KCNAB1: variants seen among roughly 807,000 people sequenced by gnomAD.
The protein encoded by KCNAB1 is voltage-gated potassium channel subunit beta-1.
A neutral mutation model predicts 64.6 loss-of-function variants in KCNAB1; 35 were observed. The observed-to-expected ratio is 0.54, with a 90% confidence interval of 0.41 to 0.72. The LOEUF (loss-of-function observed/expected upper bound fraction) is 0.72. Among genes scored for constraint, KCNAB1 ranks in the 30% least tolerant of loss-of-function variants. The pLI is 0.00. For missense variants in KCNAB1, 401 were observed against 512.9 expected, an observed-to-expected ratio of 0.78 and a Z score of 2.11; for synonymous variants, 177 against 183.8, an observed-to-expected ratio of 0.96 and a Z score of 0.30.
chr3:156,208,257 G>A (rs1015878783), intron 1 of KCNAB1, among the ~76,000 whole-genome samples: 1 of 152,038 alleles, frequency 6.6e-6, no homozygotes, highest in African/African-American at 2.4e-5. Context: ...CTTGATCTTT[G>A]CAACAGTTGT....
rs374128710 is a variant in KCNAB1, at chr3:156,353,672, C to T, written c.276-67944C>T. Among the ~76,000 whole-genome samples, 22 of 152,316 alleles carry T rather than the reference C, an allele frequency of 1.4e-4. No individual in the cohort carries two copies. The East Asian group carries it at 2.3e-3, about 16-fold the overall frequency. ...CTCATGTGACTGTTGCCAGGCTCCT[C>T]GCTGGCTATTGGCCAGAGGCCTCCC... On this transcript the variant is annotated intron_variant, in intron 1 of 13. Transcript: ENST00000490337.
chr3:156,131,998 A>G (rs935126518), intron 1 of KCNAB1, among the ~76,000 whole-genome samples: 1 of 152,204 alleles, frequency 6.6e-6, no homozygotes, highest in Non-Finnish European at 1.5e-5. Flanking sequence ...CCACATGACC[A>G]CATTCAACTG....
chr3:156,263,639 C>T (rs543741544), intron 1 of KCNAB1, among the ~76,000 whole-genome samples: 5 of 152,098 alleles, frequency 3.3e-5, no homozygotes, highest in Middle Eastern at 6.8e-3. Context: ...CCTTCAGAAT[C>T]CACCAGGGAT....
chr3:156,368,138 G>A (rs930054395), intron 1 of KCNAB1, among the ~76,000 whole-genome samples: 17 of 152,162 alleles, frequency 1.1e-4, no homozygotes, highest in East Asian at 3.8e-4. Context: ...CAGATAAACC[G>A]TGAATAATTT....
At chr3:156,482,291 CTCAT>C (rs927343167) in intron 8 of KCNAB1, among the ~76,000 whole-genome samples, 18 of 151,788 alleles carry the variant, frequency 1.2e-4, no homozygotes, top group African/African-American at 4.1e-4. Context: ...ATAGGATTAA[CTCAT>C]TCATTCAGTT....
In KCNAB1 at chr3:156,536,838, T is replaced by C; in HGVS notation, c.*91T>C. On this transcript the variant is annotated 3_prime_UTR_variant, in exon 14 of 14. Coordinates refer to ENST00000490337, the MANE Select transcript of KCNAB1 (RefSeq NM_172160.3). ...TTACTAACCAGTCTTTTGAATCACTTAGCAGCTTGCTGCTCAACCTCTAGT... is the reference window on the plus strand; with the variant it reads ...TTACTAACCAGTCTTTTGAATCACTCAGCAGCTTGCTGCTCAACCTCTAGT... 1 of 889,394 alleles carries C rather than the reference T, an allele frequency of 1.1e-6. No individual in the cohort carries two copies. Among genetic ancestry groups the C allele is most frequent in the Non-Finnish European group, 1.9e-6 (1 of 538,326 alleles). The allele number at this position is 889,394 out of a possible 1,614,324, so 55.1% of individuals were successfully genotyped here.
chr3:156,327,630 T>A (rs1330918963), intron 1 of KCNAB1, among the ~76,000 whole-genome samples: 3 of 152,260 alleles, frequency 2.0e-5, no homozygotes, highest in East Asian at 1.9e-4. Flanking sequence ...CATTGTAGCA[T>A]GGGAATTGGA....
intron 1 of KCNAB1, among the ~76,000 whole-genome samples, chr3:156,277,245 C>G (rs567631258): frequency 6.6e-6 from 1 of 152,196 alleles, no homozygotes; most frequent in African/African-American, 2.4e-5. Flanking sequence ...GCACCCAAAA[C>G]AATGACAGTA....
At chr3:156,153,291 G>T (rs549470185) in intron 1 of KCNAB1, among the ~76,000 whole-genome samples, 22 of 152,264 alleles carry the variant, frequency 1.4e-4, no homozygotes, top group African/African-American at 5.1e-4. Flanking sequence ...GGATGACATT[G>T]TTCTCGTAGG....
intron 8 of KCNAB1, among the ~76,000 whole-genome samples, chr3:156,484,495 C>T (rs1488972741): frequency 6.6e-6 from 1 of 152,070 alleles, no homozygotes; most frequent in African/African-American, 2.4e-5. Flanking sequence ...TGTGAGTTGT[C>T]ATTTCTCTGA....
intron 1 of KCNAB1, among the ~76,000 whole-genome samples, chr3:156,232,383 G>C (rs569781727): frequency 2.6e-5 from 4 of 152,234 alleles, no homozygotes; most frequent in African/African-American, 7.2e-5. Flanking sequence ...TTACACTTCT[G>C]TTTTGGATTT....
chr3:156,241,630 G>C (rs568975921), intron 1 of KCNAB1, among the ~76,000 whole-genome samples: 1 of 152,154 alleles, frequency 6.6e-6, no homozygotes, highest in Non-Finnish European at 1.5e-5. Context: ...TGCTCCCCCT[G>C]GGGCTGCGTG....
chr3:156,461,306 C>G (rs1457465493), intron 5 of KCNAB1, among the ~76,000 whole-genome samples: 1 of 152,210 alleles, frequency 6.6e-6, no homozygotes, highest in African/African-American at 2.4e-5. Flanking sequence ...CTCCCTCTGA[C>G]ATTCTGGGTA....
chr3:156,185,173 C>T (rs1487920967), intron 1 of KCNAB1, among the ~76,000 whole-genome samples: 1 of 152,172 alleles, frequency 6.6e-6, no homozygotes, highest in Admixed American at 6.5e-5. Context: ...ATTGACACTC[C>T]ACCCACTTTA....
chr3:156,496,471 G>A (rs1054987966), intron 8 of KCNAB1, among the ~76,000 whole-genome samples: 7 of 152,104 alleles, frequency 4.6e-5, no homozygotes, highest in African/African-American at 1.7e-4. Flanking sequence ...CTCCTCCTTT[G>A]CCTTCCACCG....
At chr3:156,119,292 G>A (rs1365198167), upstream of KCNAB1, among the ~76,000 whole-genome samples, 4 of 152,194 alleles carry the variant, frequency 2.6e-5, no homozygotes, top group African/African-American at 9.7e-5. Flanking sequence ...TTGTTACCAA[G>A]CCATGTGACC....
At chr3:156,168,285 A>G (rs562637967) in intron 1 of KCNAB1, among the ~76,000 whole-genome samples, 2 of 152,170 alleles carry the variant, frequency 1.3e-5, no homozygotes, top group East Asian at 1.9e-4. Flanking sequence ...ATAAGTATCT[A>G]TCAAACCGAA....
intron 1 of KCNAB1, among the ~76,000 whole-genome samples, chr3:156,183,957 T>C (rs1001668070): frequency 5.3e-5 from 8 of 152,242 alleles, no homozygotes; most frequent in African/African-American, 1.9e-4. Flanking sequence ...TCAGTCCCCT[T>C]ATTTGTAAAA....
Position 156,404,102 on chromosome 3 carries a change from T to C in KCNAB1, c.276-17514T>C, listed in dbSNP as rs139975005. Among the ~76,000 whole-genome samples the C allele has an allele frequency of 6.6e-5, 10 of 152,294 alleles. 1 individual carries two copies. Among genetic ancestry groups the C allele is most frequent in the African/African-American group, 2.4e-4 (10 of 41,560 alleles). ...AATGCATAGTTGATGTAGCAAGAGA[T>C]TTCCCCTGTAAAAACGTGTATATTG... is the stretch of plus-strand genomic sequence containing the variant. On this transcript the variant is annotated intron_variant, in intron 1 of 13. Coordinates refer to ENST00000490337, the MANE Select transcript of KCNAB1 (RefSeq NM_172160.3).
Sources: gnomAD v4.1 joint callset for allele counts (sites outside exome capture counted in the v4.1 genomes callset) on GRCh38, gnomAD v4.1.1 for gene constraint, MANE v1.5 for transcripts, NCBI Gene and HGNC (gene_info 2026-07-23, HGNC 2026-07-21) for gene names.